COL5A2: variants seen among roughly 807,000 people sequenced by gnomAD.
COL5A2 encodes the protein collagen alpha-2(V) chain.
In COL5A2, 23 loss-of-function variants were observed where a neutral mutation model predicts 208.2. The observed-to-expected ratio is 0.11, with a 90% CI of 0.08 to 0.16. The LOEUF (loss-of-function observed/expected upper bound fraction) is 0.16. COL5A2 is among the 10% of genes least tolerant of loss of function. The pLI is 1.00. For missense variants in COL5A2, 1,590 were observed against 1,956.4 expected, an observed-to-expected ratio of 0.81 and a Z score of 3.53; for synonymous variants, 625 against 628.5, an observed-to-expected ratio of 0.99 and a Z score of 0.08.
At chr2:189,259,921 G>A in the COL5A2 span, among the ~76,000 whole-genome samples, 1 of 152,200 alleles carries the variant, frequency 6.6e-6, no homozygotes, top group Non-Finnish European at 1.5e-5. Flanking sequence ...TAACCAGACT[G>A]AGGTCCCAGG....
the COL5A2 span, among the ~76,000 whole-genome samples, chr2:189,397,549 C>CAGTTT: frequency 6.6e-6 from 1 of 151,954 alleles, no homozygotes; most frequent in Non-Finnish European, 1.5e-5. Context: ...TTAATCATGT[C>CAGTTT]AGTTTTGTTG....
chr2:189,059,037 C>G (rs1047019477), intron 31 of COL5A2, 144 bp from the exon 32 acceptor site: 2 of 638,984 alleles, frequency 3.1e-6, no homozygotes, highest in Admixed American at 5.9e-5. Context: ...AAGAAAAGTA[C>G]GTATATTTTT....
the COL5A2 span, among the ~76,000 whole-genome samples, chr2:189,279,183 A>T: frequency 1.3e-5 from 2 of 152,006 alleles, no homozygotes; most frequent in African/African-American, 4.8e-5. Context: ...AGAAAGAATA[A>T]GACGAACTAG....
chr2:189,106,898 T>G (rs1164668503), intron 2 of COL5A2, among the ~76,000 whole-genome samples: 1 of 151,510 alleles, frequency 6.6e-6, no homozygotes, highest in East Asian at 1.9e-4. Flanking sequence ...GCTTCCTTAA[T>G]AGTCAATTAT....
At chr2:189,084,472 T>C (rs112717400) in intron 11 of COL5A2, among the ~76,000 whole-genome samples, 3 of 152,322 alleles carry the variant, frequency 2.0e-5, no homozygotes, top group African/African-American at 7.2e-5. Flanking sequence ...ATCAGAAATA[T>C]GTGCTCTATG....
intron 2 of COL5A2, 95 bp from the exon 3 acceptor site, chr2:189,104,372 G>A (rs1687110104): frequency 2.2e-6 from 2 of 920,690 alleles, no homozygotes; most frequent in Non-Finnish European, 1.8e-6. Context: ...TTCTTCTGGA[G>A]TCAGAATTAC....
chr2:189,056,334 T>G (rs982528918), intron 35 of COL5A2, among the ~76,000 whole-genome samples: 6 of 152,224 alleles, frequency 3.9e-5, no homozygotes, highest in African/African-American at 1.4e-4. Context: ...CACTCTTACA[T>G]GAGGAAATCA....
intron 1 of COL5A2, among the ~76,000 whole-genome samples, chr2:189,160,828 CTTTTTT>C (rs1013116673): frequency 7.6e-6 from 1 of 132,014 alleles, no homozygotes; most frequent in Non-Finnish European, 1.6e-5. Context: ...TTTCTTTTTC[CTTTTTT>C]TTTTTTTTTT....
At chr2:189,427,596 T>C in the COL5A2 span, among the ~76,000 whole-genome samples, 1 of 152,120 alleles carries the variant, frequency 6.6e-6, no homozygotes, top group Non-Finnish European at 1.5e-5. Context: ...GCCACAGACA[T>C]TCAATGCCAG....
the COL5A2 span, among the ~76,000 whole-genome samples, chr2:189,388,321 G>C: frequency 6.6e-6 from 1 of 152,084 alleles, no homozygotes; most frequent in African/African-American, 2.4e-5. Flanking sequence ...AACTTTAAAC[G>C]GAAAACTAAA....
chr2:189,336,860 A>G, the COL5A2 span, among the ~76,000 whole-genome samples: 1 of 152,220 alleles, frequency 6.6e-6, no homozygotes, highest in Non-Finnish European at 1.5e-5. Context: ...ACTCCTTTAA[A>G]CATTAAATAA....
chr2:189,103,830 T>C (rs540350568), intron 3 of COL5A2, among the ~76,000 whole-genome samples: 6 of 152,178 alleles, frequency 3.9e-5, no homozygotes, highest in South Asian at 4.1e-4. Flanking sequence ...TACAGGCCCA[T>C]TGAAGTCAAA....
chr2:189,093,527 G>A (rs1000718760), intron 6 of COL5A2, among the ~76,000 whole-genome samples: 6 of 152,052 alleles, frequency 3.9e-5, no homozygotes, highest in African/African-American at 1.2e-4. Flanking sequence ...TTTGGGGAGG[G>A]TGGCATCATA....
the COL5A2 span, among the ~76,000 whole-genome samples, chr2:189,438,448 C>G: frequency 1.8e-4 from 28 of 152,232 alleles, no homozygotes; most frequent in African/African-American, 6.5e-4. Flanking sequence ...ATTTCTAAAA[C>G]CTGGGGGTAA....
In COL5A2 at chr2:189,057,536, C is replaced by A. The variant is rs1685927869; in HGVS notation, c.2230-109G>T. ...TTGTCAGCAATTTCATGTAGTTCAA[C>A]TTAGTGCTTATATTTTTCATCTGAG... On this transcript the variant is annotated intron_variant, in intron 33 of 53. Transcript: ENST00000374866. 4 of 779,316 alleles carry A rather than the reference C, an allele frequency of 5.1e-6. No homozygotes were observed. In the East Asian group the frequency reaches 1.0e-4, roughly 20 times the overall value. The allele number at this position is 779,316 out of a possible 1,614,324, so 48.3% of individuals were successfully genotyped here. A position where few individuals can be genotyped will look rare whatever the true frequency, so the allele number is the denominator to read the frequency against.
At chr2:189,396,103 T>C in the COL5A2 span, among the ~76,000 whole-genome samples, 2 of 152,070 alleles carry the variant, frequency 1.3e-5, no homozygotes, top group East Asian at 1.9e-4. Context: ...ACTTCATTAG[T>C]ATTTAGTCCC....
the COL5A2 span, among the ~76,000 whole-genome samples, chr2:189,365,393 C>T: frequency 1.3e-5 from 2 of 152,200 alleles, no homozygotes; most frequent in African/African-American, 4.8e-5. Flanking sequence ...AAACAATGAA[C>T]TCAGTATTGT....
chr2:189,083,006 A>G (rs1419188463), intron 12 of COL5A2, among the ~76,000 whole-genome samples: 1 of 152,186 alleles, frequency 6.6e-6, no homozygotes, highest in Non-Finnish European at 1.5e-5. Context: ...GGGAGCATTC[A>G]TTTGTTTAAA....
Position 189,062,992 on chromosome 2 carries a change from C to T in COL5A2, c.1923+18G>A. On this transcript the variant is annotated intron_variant, in intron 28 of 53. Coordinates refer to ENST00000374866, the MANE Select transcript of COL5A2 (RefSeq NM_000393.5). ...TAGTACCTACATTATTTTTCTTTAGCAGAAAATGTATATTTACCCTCTGCC... is the reference window on the plus strand; with the variant it reads ...TAGTACCTACATTATTTTTCTTTAGTAGAAAATGTATATTTACCCTCTGCC... 6.2e-7 allele frequency: 1 copy of T among 1,613,976 alleles called. No individual in the cohort carries two copies. Among genetic ancestry groups the T allele is most frequent in the Non-Finnish European group, 8.5e-7 (1 of 1,179,870 alleles).
Sources: allele counts gnomAD v4.1 joint callset (sites outside exome capture counted in the v4.1 genomes callset), GRCh38; gene constraint gnomAD v4.1.1; transcripts MANE v1.5; gene names NCBI Gene and HGNC (gene_info 2026-07-23, HGNC 2026-07-21).